Variants in S1PR2 observed in about 807,000 individuals in gnomAD.
The protein encoded by S1PR2 is sphingosine-1-phosphate receptor 2.
In S1PR2, 9 loss-of-function variants were observed where a neutral mutation model predicts 16.1. The observed-to-expected ratio is 0.56, with a 90% CI of 0.34 to 0.98. S1PR2 has a LOEUF of 0.98. Ranked by LOEUF, S1PR2 falls within the 50% of genes least tolerant of loss-of-function variation. S1PR2 has a pLI of 0.02. For synonymous variants in S1PR2, 224 were observed against 233.9 expected, an observed-to-expected ratio of 0.96 and a Z score of 0.38; for missense variants, 361 against 488.4, an observed-to-expected ratio of 0.74 and a Z score of 2.46.
In S1PR2 at chr19:10,223,168, C is replaced by CAAAA. The variant is rs779228186; in HGVS notation, c.*672_*675dup. 1 of 31,360 alleles carries CAAAA rather than the reference C, an allele frequency of 3.2e-5. No individual in the cohort carries two copies. Among genetic ancestry groups the CAAAA allele is most frequent in the African/African-American group, 1.8e-4 (1 of 5,514 alleles). 1.9% of individuals were successfully genotyped at this position (31,360 alleles called of 1,614,324 possible). ...TGGGCAACAGAGCGAGACTTCATCTCAAAAAAAAAAAAAAAAAAAAAAAAA... is the reference window on the plus strand; with the variant it reads ...TGGGCAACAGAGCGAGACTTCATCTCAAAAAAAAAAAAAAAAAAAAAAAAAAAAA... On this transcript the variant is annotated 3_prime_UTR_variant, in exon 2 of 2. Transcript: ENST00000646641.
Position 10,224,112 on chromosome 19 carries a change from G to A in S1PR2, c.794C>T (p.Pro265Leu), listed in dbSNP as rs572711891. 8 of 1,604,786 alleles carry A rather than the reference G, an allele frequency of 5.0e-6. No individual in the cohort carries two copies. Among genetic ancestry groups the A allele is most frequent in the African/African-American group, 2.7e-5 (2 of 74,938 alleles). ...AAAGTAGTGGGCTTTGTAGAGGATC[G>A]GGCAGGAGTGGACGGGACAGGCATA... ...LDYACPVHSC[P>L]ILYKAHYFFA... Residue 265 changes from proline (P) to leucine (L), a missense_variant, in exon 2 of 2, where the codon CCG (proline) becomes CTG (leucine). Physicochemically the swap from Pro to Leu is moderately conservative, Grantham distance 98. Coordinates refer to ENST00000646641, the MANE Select transcript of S1PR2 (RefSeq NM_004230.4).
chr19:10,230,997 G>C (rs1382410290), intron 1 of S1PR2, among the ~76,000 whole-genome samples: 1 of 152,242 alleles, frequency 6.6e-6, no homozygotes, highest in Admixed American at 6.5e-5. Context: ...GAAAGGCGGG[G>C]AGCACAGTCT....
intron 1 of S1PR2, among the ~76,000 whole-genome samples, chr19:10,228,376 T>C (rs1017697844): frequency 4.6e-5 from 7 of 152,106 alleles, no homozygotes; most frequent in African/African-American, 1.7e-4. Flanking sequence ...AGGGACTAAC[T>C]AAGCAGTCTG....
In S1PR2 at chr19:10,224,677, C is replaced by A; in HGVS notation, c.229G>T (p.Ala77Ser). 1.2e-6 allele frequency: 2 copies of A among 1,614,136 alleles called. No homozygotes were observed. The highest frequency in any genetic ancestry group is 1.1e-5 in the South Asian group (1 of 91,084). The change falls in exon 2 of 2, where the codon GCC becomes TCC. Residue 77 changes from alanine (A) to serine (S), a missense_variant. Coordinates refer to ENST00000646641, the MANE Select transcript of S1PR2 (RefSeq NM_004230.4). ...AMYLFLGNLAASDLLAGVAFV... is the reference protein window; with the variant it reads ...AMYLFLGNLASSDLLAGVAFV... ...GCCACGCCTGCCAGTAGATCGGAGG[C>A]GGCCAGGTTGCCCAGAAACAGGTAC...
chr19:10,224,779 G>A lies in S1PR2; in HGVS notation c.127C>T (p.Leu43Phe). The change falls in exon 2 of 2, where the codon CTC (leucine) becomes TTC (phenylalanine). Residue 43 changes from leucine to phenylalanine, a missense_variant. Physicochemically the swap from Leu to Phe is conservative, Grantham distance 22. Coordinates refer to ENST00000646641, the MANE Select transcript of S1PR2 (RefSeq NM_004230.4). ...TTTTCCACCACAATGGCGCAACAGA[G>A]GATGACGATGAAGGCCGAGGCCACC... ...RQVASAFIVI[L>F]CCAIVVENLL... 6.2e-7 allele frequency: 1 copy of A among 1,614,252 alleles called. No homozygotes were observed. The highest frequency in any genetic ancestry group is 1.6e-4 in the Middle Eastern group (1 of 6,062).
At chr19:10,230,825 T>G (rs2039671306) in intron 1 of S1PR2, among the ~76,000 whole-genome samples, 1 of 152,190 alleles carries the variant, frequency 6.6e-6, no homozygotes, top group Middle Eastern at 3.4e-3. Context: ...GCGCACATCC[T>G]TTTGCCCTCG....
Position 10,230,805 on chromosome 19 carries a change from G to A in S1PR2, c.-43+399C>T, listed in dbSNP as rs1051316386. ...GTGGGTGCCGCCCCTTGGCTTGGAG[G>A]CTCCACGGCGCGCACATCCTTTTGC... is the stretch of plus-strand genomic sequence containing the variant. On this transcript the variant is annotated intron_variant, in intron 1 of 1. Coordinates refer to ENST00000646641, the MANE Select transcript of S1PR2 (RefSeq NM_004230.4). Among the ~76,000 whole-genome samples the A allele has an allele frequency of 5.3e-5, 8 of 152,312 alleles. No homozygotes were observed. The South Asian group carries it at 6.2e-4, about 12-fold the overall frequency.
chr19:10,230,634 C>A (rs2039668538), intron 1 of S1PR2: 1 of 152,928 alleles, frequency 6.5e-6, no homozygotes, highest in Admixed American at 6.5e-5. Flanking sequence ...CATCCCTGAG[C>A]CGGAGTTGAA....
intron 1 of S1PR2, among the ~76,000 whole-genome samples, chr19:10,227,445 T>A (rs2039642688): frequency 6.6e-6 from 1 of 152,152 alleles, no homozygotes; most frequent in Non-Finnish European, 1.5e-5. Flanking sequence ...CAAGGGCTTG[T>A]GCACGTCCCC....
chr19:10,229,958 G>A (rs189268563), intron 1 of S1PR2, among the ~76,000 whole-genome samples: 2 of 151,312 alleles, frequency 1.3e-5, no homozygotes, highest in South Asian at 2.1e-4. Context: ...AAAACACTCA[G>A]AAAACGTGTG....
intron 1 of S1PR2, among the ~76,000 whole-genome samples, chr19:10,228,924 C>T (rs912615642): frequency 6.6e-6 from 1 of 152,126 alleles, no homozygotes. Flanking sequence ...GTCCTCTCCA[C>T]CCACTCCCAG....
At chr19:10,227,577 G>A (rs2039643662) in intron 1 of S1PR2, among the ~76,000 whole-genome samples, 1 of 152,214 alleles carries the variant, frequency 6.6e-6, no homozygotes, top group African/African-American at 2.4e-5. Flanking sequence ...TTGGGCCCAG[G>A]CTGCGGCTGG....
chr19:10,227,001 A>C (rs2039639802), intron 1 of S1PR2, among the ~76,000 whole-genome samples: 1 of 82,966 alleles, frequency 1.2e-5, no homozygotes, highest in African/African-American at 4.6e-5. Context: ...CCCCATCGCC[A>C]CCCACCAAGG....
chr19:10,227,315 G>T (rs1025916798), intron 1 of S1PR2, among the ~76,000 whole-genome samples: 1 of 152,220 alleles, frequency 6.6e-6, no homozygotes, highest in Non-Finnish European at 1.5e-5. Flanking sequence ...GGAGGTTTCC[G>T]GAGTCACCCA....
rs192593260 is a variant in S1PR2, at chr19:10,229,204, A to G, written c.-43+2000T>C. ...CCCAGGGCCATTCCACTCCAACCACACTAAACCTCCTCCATGCTACCCCTA... is the reference window on the plus strand; with the variant it reads ...CCCAGGGCCATTCCACTCCAACCACGCTAAACCTCCTCCATGCTACCCCTA... On this transcript the variant is annotated intron_variant, in intron 1 of 1. Transcript: ENST00000646641. Among the ~76,000 whole-genome samples the G allele has an allele frequency of 4.7e-3, 713 of 150,736 alleles. 2 individuals are homozygous for G. Among genetic ancestry groups the G allele is most frequent in the Non-Finnish European group, 7.9e-3 (533 of 67,586 alleles).
At chr19:10,230,982 G>A (rs2288940) in intron 1 of S1PR2, among the ~76,000 whole-genome samples, 32,121 of 152,140 alleles carry the variant, frequency 0.21, 3,600 homozygotes, top group Admixed American at 0.28. Flanking sequence ...ACTTCCTGCC[G>A]CTGAGAAAGG....
intron 1 of S1PR2, among the ~76,000 whole-genome samples, chr19:10,230,109 G>A (rs947920861): frequency 6.6e-6 from 1 of 152,242 alleles, no homozygotes; most frequent in Non-Finnish European, 1.5e-5. Context: ...TCCGCGGGCA[G>A]CGCCCCCATC....
chr19:10,230,746 G>A (rs1225215202), intron 1 of S1PR2, among the ~76,000 whole-genome samples: 2 of 152,228 alleles, frequency 1.3e-5, no homozygotes, highest in Non-Finnish European at 2.9e-5. Flanking sequence ...TGGGGAAACC[G>A]AGGCAGAAAG....
chr19:10,224,500 T>C lies in S1PR2; in HGVS notation c.406A>G (p.Lys136Glu). 1 of 1,613,858 alleles carries C rather than the reference T, an allele frequency of 6.2e-7. No homozygotes were observed. Residue 136 changes from lysine (K) to glutamate (E), a missense_variant, in exon 2 of 2, where the codon AAG (lysine) becomes GAG (glutamate). Physicochemically the swap from Lys to Glu is moderately conservative, Grantham distance 56 (BLOSUM62 1). Transcript: ENST00000646641. ...IAIERHVAIA[K>E]VKLYGSDKSC... ...TTGTCGCTGCCATACAGCTTGACCT[T>C]GGCAATGGCCACGTGGCGCTCAATG...
Sources: gnomAD v4.1 joint callset for allele counts (sites outside exome capture counted in the v4.1 genomes callset) on GRCh38, gnomAD v4.1.1 for gene constraint, MANE v1.5 for transcripts, NCBI Gene and HGNC (gene_info 2026-07-23, HGNC 2026-07-21) for gene names.